Variants in B4GALNT2 observed in about 807,000 individuals in gnomAD.
The protein encoded by B4GALNT2 is N-acetylneuraminylgalactosylglucosyl-glucoside beta-1,4-N- acetylgalactosaminyltransferase 2.
B4GALNT2 carries 42 observed loss-of-function variants against 51.1 expected under a neutral mutation model. The observed-to-expected ratio is 0.82, with a 90% CI of 0.64 to 1.06. The LOEUF (loss-of-function observed/expected upper bound fraction) is 1.06. B4GALNT2 is among the 50% of genes least tolerant of loss of function. The pLI, the probability that B4GALNT2 is intolerant of heterozygous loss-of-function variation, is 0.00. For synonymous variants in B4GALNT2, 253 were observed against 251.7 expected (o/e 1.01, Z -0.05); for missense variants, 602 against 633.6 (o/e 0.95, Z 0.54).
the B4GALNT2 span, among the ~76,000 whole-genome samples, chr17:49,125,865 G>C: frequency 5.1e-5 from 5 of 98,418 alleles, no homozygotes; most frequent in African/African-American, 1.1e-4. Context: ...CACCCCGTCC[G>C]GGAGGGAGGT....
At chr17:49,127,044 T>G in the B4GALNT2 span, among the ~76,000 whole-genome samples, 1 of 152,266 alleles carries the variant, frequency 6.6e-6, no homozygotes, top group Non-Finnish European at 1.5e-5. Context: ...TTTATAAAAT[T>G]TTTTATGACT....
intron 3 of B4GALNT2, among the ~76,000 whole-genome samples, chr17:49,149,690 A>T (rs1364463292): frequency 6.6e-6 from 1 of 152,188 alleles, no homozygotes; most frequent in Non-Finnish European, 1.5e-5. Flanking sequence ...TTCATTTCAA[A>T]CAATGCTGAA....
the B4GALNT2 span, among the ~76,000 whole-genome samples, chr17:49,122,969 G>T: frequency 6.6e-6 from 1 of 152,210 alleles, no homozygotes; most frequent in African/African-American, 2.4e-5. Context: ...ACGACAAAAA[G>T]TATTTGGTGA....
In B4GALNT2 at chr17:49,160,562, G is replaced by A; in HGVS notation, c.687G>A (p.Leu229=). The A allele has an allele frequency of 6.2e-7, 1 of 1,613,798 alleles. No individual in the cohort carries two copies. The highest frequency in any genetic ancestry group is 8.5e-7 in the Non-Finnish European group (1 of 1,179,704). The part of the protein sequence containing the change: ...YQHQKVDIVS[L]ESRSSVAKFP... ...TCTTATTTCTCCCTCCAGTGAGTCT[G>A]GAGTCCAGGTCCTCAGTGGCCAAGT... The change falls in exon 7 of 11, where the codon CTG becomes CTA. Residue 229 remains leucine (L), a synonymous_variant. Coordinates refer to ENST00000393354, the MANE Select transcript of B4GALNT2 (RefSeq NM_001159387.2).
At chr17:49,140,322 G>A (rs936505031) in intron 1 of B4GALNT2, among the ~76,000 whole-genome samples, 1 of 151,964 alleles carries the variant, frequency 6.6e-6, no homozygotes, top group African/African-American at 2.4e-5. Context: ...GGATGGTCTC[G>A]ATCTCCTGAC....
the B4GALNT2 span, among the ~76,000 whole-genome samples, chr17:49,125,749 G>A: frequency 3.4e-5 from 4 of 116,404 alleles, no homozygotes; most frequent in African/African-American, 6.3e-5. Context: ...GGAGGGAGGT[G>A]GGGGGGTCAG....
chr17:49,131,963 T>A (rs4464123), upstream of B4GALNT2, among the ~76,000 whole-genome samples: 80,325 of 151,626 alleles, frequency 0.53, 21,551 homozygotes, highest in Middle Eastern at 0.62. Flanking sequence ...TGAGACCTCC[T>A]CTCTACAAAT....
At chr17:49,147,374 C>CTTTTTTTTTTTTTTTTTTTTTTTTT (rs1475311406) in intron 3 of B4GALNT2, among the ~76,000 whole-genome samples, 1 of 143,894 alleles carries the variant, frequency 6.9e-6, no homozygotes, top group African/African-American at 2.5e-5. Context: ...TCTTTTCTTT[C>CTTTTTTTTTTTTTTTTTTTTTTTTT]TTTCTTTTTT....
At position 49,175,323 on chromosome 17, in the gene B4GALNT2, T is replaced by C. The variant is rs1417387084; in HGVS notation, c.*5595T>C. On this transcript the variant is annotated 3_prime_UTR_variant, in exon 11 of 11. Coordinates refer to ENST00000393354, the MANE Select transcript of B4GALNT2 (RefSeq NM_001159387.2). ...TTCTCCTATTCGTTTAATTTCACTT[T>C]TCCCCATTTCCACATACGGCACAAT... The C allele has an allele frequency of 6.6e-6, 1 of 152,228 alleles. No homozygotes were observed. The highest frequency in any genetic ancestry group is 1.5e-5 in the Non-Finnish European group (1 of 68,046). 9.4% of individuals were successfully genotyped at this position (152,228 alleles called of 1,614,324 possible). A position where few individuals can be genotyped will look rare whatever the true frequency, so the allele number is the denominator to read the frequency against.
At chr17:49,136,789 T>C (rs1475399749) in intron 1 of B4GALNT2, among the ~76,000 whole-genome samples, 1 of 152,050 alleles carries the variant, frequency 6.6e-6, no homozygotes, top group South Asian at 2.1e-4. Flanking sequence ...TCAGGTGATC[T>C]GCCTGTCTCG....
At position 49,168,738 on chromosome 17, in the gene B4GALNT2, G is replaced by A; in HGVS notation, c.1153G>A (p.Glu385Lys). Residue 385 changes from glutamate (E) to lysine (K), a missense_variant, in exon 10 of 11, where the codon GAG becomes AAG. By Grantham distance (56) the Glu-to-Lys change is moderately conservative (BLOSUM62 1). Coordinates refer to ENST00000393354, the MANE Select transcript of B4GALNT2 (RefSeq NM_001159387.2). ...GTTTAAGTTGTTGCTGGAACAGAGT[G>A]AGAATGGGGCCTGCCTTCACAAGAG... ...FQFKLLLEQS[E>K]NGACLHKRMG... 6.2e-7 allele frequency: 1 copy of A among 1,614,172 alleles called. No homozygotes were observed.
chr17:49,133,103 G>T, intron 1 of B4GALNT2: 1 of 1,520,360 alleles, frequency 6.6e-7, no homozygotes, highest in Non-Finnish European at 8.7e-7. Flanking sequence ...TCTCGGGGAC[G>T]CCCGAGTGTG....
intron 5 of B4GALNT2, among the ~76,000 whole-genome samples, chr17:49,158,505 GCT>G (rs1196900799): frequency 6.6e-6 from 1 of 152,054 alleles, no homozygotes; most frequent in Non-Finnish European, 1.5e-5. Context: ...ACGTGTGGTG[GCT>G]CATGCCTGTA....
At chr17:49,161,378 A>T (rs773386434) in intron 7 of B4GALNT2, among the ~76,000 whole-genome samples, 1 of 151,876 alleles carries the variant, frequency 6.6e-6, no homozygotes, top group Non-Finnish European at 1.5e-5. Flanking sequence ...TGGTGTAGCT[A>T]TATGAAAGAT....
rs561362328 is a variant in B4GALNT2 at position 49,133,318 on chromosome 17, C to T, written c.14+512C>T. 8.8e-6 allele frequency: 12 copies of T among 1,370,584 alleles called. No homozygotes were observed. The South Asian group carries it at 1.7e-4, about 19-fold the overall frequency. 84.9% of individuals were successfully genotyped at this position (1,370,584 alleles called of 1,614,324 possible). The stretch of plus-strand genomic sequence containing the variant: ...AGTCCGCGCGGAGTCAGGGAAAAGT[C>T]GGTTTTCAAATCCAGGCGCCCACCG... On this transcript the variant is annotated intron_variant, in intron 1 of 10. Transcript: ENST00000393354.
At chr17:49,146,379 C>T (rs2042694913) in intron 3 of B4GALNT2, among the ~76,000 whole-genome samples, 1 of 152,120 alleles carries the variant, frequency 6.6e-6, no homozygotes, top group South Asian at 2.1e-4. Flanking sequence ...GGCACGATCT[C>T]AGCTAACTGC....
chr17:49,126,823 T>A, the B4GALNT2 span, among the ~76,000 whole-genome samples: 2 of 152,046 alleles, frequency 1.3e-5, no homozygotes, highest in Admixed American at 1.3e-4. Context: ...CTCAACCTCC[T>A]GAATAGCTGG....
chr17:49,130,041 C>T (rs79251195), upstream of B4GALNT2, among the ~76,000 whole-genome samples: 1 of 152,284 alleles, frequency 6.6e-6, no homozygotes, highest in African/African-American at 2.4e-5. Context: ...CAGGCAGAAA[C>T]CCTGATCAAG....
chr17:49,126,090 G>C, the B4GALNT2 span, among the ~76,000 whole-genome samples: 1 of 152,132 alleles, frequency 6.6e-6, no homozygotes, highest in African/African-American at 2.4e-5. Flanking sequence ...TTGAGAAATC[G>C]GATGGTTGCC....
Sources: gnomAD v4.1 joint callset for allele counts (sites outside exome capture counted in the v4.1 genomes callset) on GRCh38, gnomAD v4.1.1 for gene constraint, MANE v1.5 for transcripts, NCBI Gene and HGNC (gene_info 2026-07-23, HGNC 2026-07-21) for gene names.